The following KCNQ3 variants were observed in gnomAD, a reference collection of about 807,000 sequenced individuals.
The protein encoded by KCNQ3 is potassium voltage-gated channel subfamily Q member 3, also known as potassium voltage-gated channel subfamily KQT member 3.
A neutral mutation model predicts 92.5 loss-of-function variants in KCNQ3; 30 were observed. The ratio of observed to expected loss-of-function variants is 0.32; its 90% CI spans 0.24 to 0.44. KCNQ3 has a LOEUF of 0.44. Among genes scored for constraint, KCNQ3 ranks in the 20% least tolerant of loss-of-function variants. KCNQ3 has a pLI of 1.00. For missense variants in KCNQ3, 913 were observed against 1,140.3 expected, an observed-to-expected ratio of 0.80 and a Z score of 2.87; for synonymous variants, 450 against 468.8, an observed-to-expected ratio of 0.96 and a Z score of 0.52.
chr8:132,406,392 G>A (rs77053284), intron 1 of KCNQ3, among the ~76,000 whole-genome samples: 1 of 152,114 alleles, frequency 6.6e-6, no homozygotes, highest in East Asian at 1.9e-4. Context: ...TATCAACCTT[G>A]CTCCTAATGC....
rs143194379 is a variant in KCNQ3 at position 132,480,240 on chromosome 8, T to C, written c.293A>G (p.Lys98Arg). Reference sequence around the variant, plus strand: ...GCGCCGGTACTTGGCGTTGTTTCTCTTGACTGGGCGGCTCAGCGGGGTCTT... The same window carrying C: ...GCGCCGGTACTTGGCGTTGTTTCTCCTGACTGGGCGGCTCAGCGGGGTCTT... Reference protein sequence around the residue: ...LAKTPLSRPVKRNNAKYRRIQ... With the variant: ...LAKTPLSRPVRRNNAKYRRIQ... Residue 98 changes from lysine to arginine, a missense_variant, in exon 1 of 15, where the codon AAG becomes AGG. Around this residue, in one of 6 missense-constraint regions of KCNQ3, gnomAD observed 183 missense variants for 167.7 expected, o/e 1.09. Coordinates refer to ENST00000388996, the MANE Select transcript of KCNQ3 (RefSeq NM_004519.4). 2.0e-5 allele frequency: 32 copies of C among 1,613,276 alleles called. No individual in the cohort carries two copies. Among genetic ancestry groups the C allele is most frequent in the Non-Finnish European group, 2.7e-5 (32 of 1,179,510 alleles).
chr8:132,367,021 G>A (rs1000671064), intron 1 of KCNQ3, among the ~76,000 whole-genome samples: 1 of 152,180 alleles, frequency 6.6e-6, no homozygotes, highest in Non-Finnish European at 1.5e-5. Context: ...CTTAAAAAAT[G>A]AGCAAGAATT....
At chr8:132,173,232 A>G (rs1365945040) in intron 6 of KCNQ3, among the ~76,000 whole-genome samples, 2 of 152,206 alleles carry the variant, frequency 1.3e-5, no homozygotes, top group African/African-American at 2.4e-5. Flanking sequence ...GGCCAGAAAC[A>G]CACACTTTCC....
rs538398770 is a variant in KCNQ3, at chr8:132,224,149, G to A, written c.387-37968C>T. 6.0e-4 allele frequency among the ~76,000 whole-genome samples: 76 copies of A among 127,064 alleles called. No individual in the cohort carries two copies. In the Admixed American group the frequency reaches 6.8e-3, roughly 11 times the overall value. 83.4% of individuals were successfully genotyped at this position (127,064 alleles called of 152,430 possible). On this transcript the variant is annotated intron_variant, in intron 1 of 14. Transcript: ENST00000388996. The stretch of plus-strand genomic sequence containing the variant: ...AGGGTGTTGCTATGTTGTCAGGGCT[G>A]CTCTTGAACTCCTGGCCTCAAGTGA...
intron 1 of KCNQ3, among the ~76,000 whole-genome samples, chr8:132,363,358 C>CAAAA: frequency 6.6e-6 from 1 of 152,080 alleles, no homozygotes; most frequent in African/African-American, 2.4e-5. Context: ...AAGTGTTTCC[C>CAAAA]AAATTATCTG....
intron 1 of KCNQ3, among the ~76,000 whole-genome samples, chr8:132,407,473 C>A (rs1249348347): frequency 6.6e-6 from 1 of 152,180 alleles, no homozygotes; most frequent in Non-Finnish European, 1.5e-5. Flanking sequence ...TGTAGCACTT[C>A]CTGCATCTAA....
rs114379121 is a variant in KCNQ3 at position 132,297,775 on chromosome 8, C to T, written c.387-111594G>A. 9.5e-3 allele frequency among the ~76,000 whole-genome samples: 766 copies of T among 80,642 alleles called. 9 individuals are homozygous for T. The highest frequency in any genetic ancestry group is 0.027 in the African/African-American group (735 of 27,584). The allele number at this position is 80,642 out of a possible 152,430, so 52.9% of individuals were successfully genotyped here. On this transcript the variant is annotated intron_variant, in intron 1 of 14. Coordinates refer to ENST00000388996, the MANE Select transcript of KCNQ3 (RefSeq NM_004519.4). ...AAGGCTACATGGCCAACTCTCCTTT[C>T]GCAGCCACCCAGACTCCCCGGCTCC... is the stretch of plus-strand genomic sequence containing the variant.
rs756986675 is a variant in KCNQ3, at chr8:132,184,381, C to T, written c.478-14G>A. ...AGCAAATGTCTCCTGCATGGAAGAG[C>T]ATATGGAGAGGCACTGATTAACCGA... is the stretch of plus-strand genomic sequence containing the variant. On this transcript the variant is annotated splice_polypyrimidine_tract_variant and intron_variant, in intron 2 of 14. Transcript: ENST00000388996. 17 of 1,613,374 alleles carry T rather than the reference C, an allele frequency of 1.1e-5. No homozygotes were observed. The highest frequency in any genetic ancestry group is 8.5e-7 in the Non-Finnish European group (1 of 1,179,812).
intron 1 of KCNQ3, among the ~76,000 whole-genome samples, chr8:132,361,559 T>C (rs943577681): frequency 6.6e-6 from 1 of 151,902 alleles, no homozygotes; most frequent in Non-Finnish European, 1.5e-5. Flanking sequence ...GAAATCTTCC[T>C]CATAAAGTAA....
intron 1 of KCNQ3, among the ~76,000 whole-genome samples, chr8:132,390,738 A>C (rs1820028706): frequency 6.6e-6 from 1 of 152,160 alleles, no homozygotes; most frequent in Admixed American, 6.5e-5. Context: ...AGGTTCTAAG[A>C]ATTGCAAGTG....
intron 1 of KCNQ3, among the ~76,000 whole-genome samples, chr8:132,245,233 C>T (rs1156886780): frequency 6.6e-6 from 1 of 152,102 alleles, no homozygotes; most frequent in African/African-American, 2.4e-5. Context: ...TAAGGGTTCT[C>T]AGAGAGAGAG....
Position 132,140,176 on chromosome 8 carries a change from C to A in KCNQ3, c.1468G>T (p.Ala490Ser). The change falls in exon 11 of 15, where the codon GCC (alanine) becomes TCC (serine). Residue 490 changes from alanine to serine, a missense_variant and splice_region_variant. Physicochemically the swap from Ala to Ser is moderately conservative, Grantham distance 99. Around this residue, in one of 6 missense-constraint regions of KCNQ3, gnomAD observed 182 missense variants for 234.5 expected, o/e 0.78. Coordinates refer to ENST00000388996, the MANE Select transcript of KCNQ3 (RefSeq NM_004519.4). ...TCCGCCATGGGGTCACCTGTCCCGG[C>A]ATCTGGGAGGGAGACACACATATGA... The part of the protein sequence containing the change: ...AYAFWQSSED[A>S]GTGDPMAEDR... The A allele has an allele frequency of 6.2e-7, 1 of 1,611,666 alleles. No individual in the cohort carries two copies. Among genetic ancestry groups the A allele is most frequent in the Non-Finnish European group, 8.5e-7 (1 of 1,178,334 alleles).
intron 1 of KCNQ3, among the ~76,000 whole-genome samples, chr8:132,446,289 C>G (rs1468178821): frequency 6.6e-6 from 1 of 152,180 alleles, no homozygotes; most frequent in African/African-American, 2.4e-5. Flanking sequence ...CAATTAATAA[C>G]TAATTTTGGA....
intron 1 of KCNQ3, among the ~76,000 whole-genome samples, chr8:132,199,578 C>T (rs868866765): frequency 2.0e-5 from 3 of 152,152 alleles, no homozygotes; most frequent in South Asian, 2.1e-4. Flanking sequence ...AAATCTACCT[C>T]GTGGGATAAT....
At chr8:132,131,584 T>A (rs1362132103) in intron 14 of KCNQ3, among the ~76,000 whole-genome samples, 1 of 152,220 alleles carries the variant, frequency 6.6e-6, no homozygotes, top group African/African-American at 2.4e-5. Context: ...AAGTGTCCAC[T>A]GTGCCCGCTA....
chr8:132,283,241 G>T (rs549156084), intron 1 of KCNQ3, among the ~76,000 whole-genome samples: 3 of 131,216 alleles, frequency 2.3e-5, no homozygotes, highest in Non-Finnish European at 5.0e-5. Flanking sequence ...AGGAGTAAAT[G>T]GAGGCTCAGA....
intron 1 of KCNQ3, among the ~76,000 whole-genome samples, chr8:132,211,911 C>A (rs1205414718): frequency 6.7e-6 from 1 of 149,532 alleles, no homozygotes; most frequent in South Asian, 2.1e-4. Context: ...TGAGATCATG[C>A]CACTGCACTC....
intron 1 of KCNQ3, among the ~76,000 whole-genome samples, chr8:132,348,199 A>T (rs943554397): frequency 6.6e-6 from 1 of 152,050 alleles, no homozygotes; most frequent in East Asian, 1.9e-4. Flanking sequence ...TACTATTTGC[A>T]GCTGCTAATG....
At chr8:132,244,319 AAG>A (rs1168203277) in intron 1 of KCNQ3, among the ~76,000 whole-genome samples, 1 of 152,042 alleles carries the variant, frequency 6.6e-6, no homozygotes, top group African/African-American at 2.4e-5. Context: ...AAAATGAAAA[AAG>A]AGAATAAAAA....
Sources: allele counts gnomAD v4.1 joint callset (sites outside exome capture counted in the v4.1 genomes callset), GRCh38; gene constraint gnomAD v4.1.1; regional missense constraint gnomAD v4.1.1; transcripts MANE v1.5; gene names NCBI Gene and HGNC (gene_info 2026-07-23, HGNC 2026-07-21).